Variants in PAQR8 observed in about 807,000 individuals in gnomAD.
PAQR8 encodes the protein progestin and adipoQ receptor family member 8.
Under a neutral mutation model 25.2 loss-of-function variants are expected in PAQR8, and 17 were observed. That is an observed-to-expected ratio of 0.67 (90% CI 0.46 to 1.01). PAQR8 has a LOEUF of 1.01. Ranked by LOEUF, PAQR8 falls within the 50% of genes least tolerant of loss-of-function variation. The pLI, the probability that PAQR8 is intolerant of heterozygous loss-of-function variation, is 0.00. For synonymous variants in PAQR8, 204 were observed against 190.6 expected (o/e 1.07, Z -0.58); for missense variants, 392 against 448.4 (o/e 0.87, Z 1.14).
intron 1 of PAQR8, among the ~76,000 whole-genome samples, chr6:52,367,871 A>G (rs1763371357): frequency 6.6e-6 from 1 of 152,186 alleles, no homozygotes; most frequent in Non-Finnish European, 1.5e-5. Flanking sequence ...CCTTGTCTAG[A>G]CATGACCAGA....
intron 1 of PAQR8, among the ~76,000 whole-genome samples, chr6:52,393,706 T>C (rs1318510508): frequency 6.6e-6 from 1 of 152,196 alleles, no homozygotes; most frequent in African/African-American, 2.4e-5. Flanking sequence ...ATAGGCACAA[T>C]GCTAATGATA....
rs1763913262 is a variant in PAQR8 at position 52,406,609 on chromosome 6, C to T, written c.*2331C>T. Reference sequence around the variant, plus strand: ...ACAGGGTCTTACTCTGTCGCCCAGGCTGGAGTGCAGTGATGCAATCACGGC... The same window carrying T: ...ACAGGGTCTTACTCTGTCGCCCAGGTTGGAGTGCAGTGATGCAATCACGGC... On this transcript the variant is annotated 3_prime_UTR_variant, in exon 2 of 2. Transcript: ENST00000442253. 2 of 411,500 alleles carry T rather than the reference C, an allele frequency of 4.9e-6. No individual in the cohort carries two copies. Among genetic ancestry groups the T allele is most frequent in the Admixed American group, 8.8e-5 (2 of 22,736 alleles). The allele number at this position is 411,500 out of a possible 1,614,324, so 25.5% of individuals were successfully genotyped here.
At chr6:52,369,613 C>T (rs937381279) in intron 1 of PAQR8, among the ~76,000 whole-genome samples, 9 of 152,144 alleles carry the variant, frequency 5.9e-5, no homozygotes, top group Non-Finnish European at 1.2e-4. Flanking sequence ...TATACATACT[C>T]TGCTGAATAA....
chr6:52,390,936 C>T (rs1763699766), intron 1 of PAQR8, among the ~76,000 whole-genome samples: 1 of 152,132 alleles, frequency 6.6e-6, no homozygotes, highest in Non-Finnish European at 1.5e-5. Flanking sequence ...TTCCTATTTG[C>T]AGAGTAGTAC....
At chr6:52,366,852 C>T (rs1385789370) in intron 1 of PAQR8, among the ~76,000 whole-genome samples, 1 of 152,040 alleles carries the variant, frequency 6.6e-6, no homozygotes, top group African/African-American at 2.4e-5. Context: ...TGGGTTCAAG[C>T]AATTATCCTG....
intron 1 of PAQR8, among the ~76,000 whole-genome samples, chr6:52,398,978 C>A (rs1490085126): frequency 6.6e-6 from 1 of 151,138 alleles, no homozygotes; most frequent in African/African-American, 2.5e-5. Context: ...TCTCAGGTTC[C>A]TTTGTGGCTA....
intron 1 of PAQR8, among the ~76,000 whole-genome samples, chr6:52,375,227 A>G (rs1763471910): frequency 6.6e-6 from 1 of 151,964 alleles, no homozygotes; most frequent in Admixed American, 6.6e-5. Flanking sequence ...AATCCATAAC[A>G]CCTTGCCCTC....
At chr6:52,364,083 G>GTTTTTTTTTGTTTT (rs1763322657) in intron 1 of PAQR8, among the ~76,000 whole-genome samples, 2 of 84,268 alleles carry the variant, frequency 2.4e-5, no homozygotes, top group Non-Finnish European at 4.4e-5. Flanking sequence ...TGAAAGATAT[G>GTTTTTTTTTGTTTT]TTTTTTTTTT....
intron 1 of PAQR8, among the ~76,000 whole-genome samples, chr6:52,365,140 A>C (rs533860975): frequency 3.0e-4 from 45 of 152,176 alleles, no homozygotes; most frequent in Non-Finnish European, 6.0e-4. Flanking sequence ...TCACCAAAAA[A>C]AAAAAGGTAC....
At chr6:52,394,820 CT>C (rs1439771691) in intron 1 of PAQR8, among the ~76,000 whole-genome samples, 41 of 152,192 alleles carry the variant, frequency 2.7e-4, no homozygotes, top group African/African-American at 9.6e-4. Context: ...CTGTATTTAG[CT>C]TAGTTCTGTG....
chr6:52,366,810 C>T (rs1218540074), intron 1 of PAQR8, among the ~76,000 whole-genome samples: 1 of 151,918 alleles, frequency 6.6e-6, no homozygotes, highest in East Asian at 1.9e-4. Flanking sequence ...AGTGCAATGG[C>T]GCAATCTCGG....
chr6:52,386,833 A>G (rs1763638198), intron 1 of PAQR8, among the ~76,000 whole-genome samples: 1 of 152,252 alleles, frequency 6.6e-6, no homozygotes, highest in Non-Finnish European at 1.5e-5. Context: ...AAGTTGAAAA[A>G]TTTTTAAAAT....
At chr6:52,401,293 T>G (rs1763826149) in intron 1 of PAQR8, among the ~76,000 whole-genome samples, 1 of 152,226 alleles carries the variant, frequency 6.6e-6, no homozygotes, top group Non-Finnish European at 1.5e-5. Flanking sequence ...GTACTTGCTG[T>G]ATGTGCTTGC....
chr6:52,403,109 AGCT>A (rs1763855357), intron 1 of PAQR8, 50 bp from the exon 2 acceptor site: 2 of 908,684 alleles, frequency 2.2e-6, no homozygotes, highest in Non-Finnish European at 3.3e-6. Context: ...TGTCCGTCTT[AGCT>A]GCATTCGTGT....
chr6:52,389,072 G>C (rs1413761902), intron 1 of PAQR8, among the ~76,000 whole-genome samples: 1 of 152,096 alleles, frequency 6.6e-6, no homozygotes, highest in Non-Finnish European at 1.5e-5. Context: ...AGGCATTCTT[G>C]GTCATAAAAA....
chr6:52,369,920 C>A (rs1290912300), intron 1 of PAQR8, among the ~76,000 whole-genome samples: 1 of 152,156 alleles, frequency 6.6e-6, no homozygotes, highest in Non-Finnish European at 1.5e-5. Context: ...ACTCAATTGC[C>A]TGCAGTGCTA....
At chr6:52,367,582 A>G (rs182114425) in intron 1 of PAQR8, among the ~76,000 whole-genome samples, 85 of 152,276 alleles carry the variant, frequency 5.6e-4, no homozygotes, top group African/African-American at 1.7e-3. Flanking sequence ...TCTTGTTTTC[A>G]TTTGTGTGCC....
chr6:52,373,752 T>C (rs1299309264), intron 1 of PAQR8: 4 of 151,892 alleles, frequency 2.6e-5, no homozygotes, highest in Non-Finnish European at 4.4e-5. Context: ...TTTTTTTTTT[T>C]CCTCAGATGT....
intron 1 of PAQR8, among the ~76,000 whole-genome samples, chr6:52,373,058 C>G (rs1763438826): frequency 6.6e-6 from 1 of 152,208 alleles, no homozygotes; most frequent in Admixed American, 6.5e-5. Flanking sequence ...TGCTACCAGA[C>G]CCCACTGTTG....
Sources: allele counts gnomAD v4.1 joint callset (sites outside exome capture counted in the v4.1 genomes callset), GRCh38; gene constraint gnomAD v4.1.1; transcripts MANE v1.5; gene names NCBI Gene and HGNC (gene_info 2026-07-23, HGNC 2026-07-21).